Variants in DPH6 observed in about 807,000 individuals in gnomAD.
DPH6 encodes the protein diphthine--ammonia ligase.
A neutral mutation model predicts 38.2 loss-of-function variants in DPH6; 33 were observed. That is an observed-to-expected ratio of 0.86 (90% CI 0.65 to 1.15). DPH6 has a LOEUF of 1.15. Ranked by LOEUF, DPH6 falls within the 50% of genes most tolerant of loss-of-function variation. DPH6 has a pLI of 0.00. For missense variants in DPH6, 325 were observed against 320.0 expected (o/e 1.02, Z -0.12); for synonymous variants, 108 against 103.0 (o/e 1.05, Z -0.30).
At chr15:35,503,773 C>A (rs766029641) in intron 3 of DPH6, among the ~76,000 whole-genome samples, 21 of 152,060 alleles carry the variant, frequency 1.4e-4, no homozygotes, top group Non-Finnish European at 1.5e-4. Flanking sequence ...AATCTCACAG[C>A]AATTCTACGA....
In DPH6 at chr15:35,433,404, A is replaced by C. The variant is rs372549139; in HGVS notation, c.505+17281T>G. Reference sequence around the variant, plus strand: ...AGTGGCATTCTCTTAGCAGAAAGCCAAGACTCCAGGCCTTAAAATTCCCTT... The same window carrying C: ...AGTGGCATTCTCTTAGCAGAAAGCCCAGACTCCAGGCCTTAAAATTCCCTT... On this transcript the variant is annotated intron_variant, in intron 5 of 8. Transcript: ENST00000256538. Among the ~76,000 whole-genome samples, 5 of 152,362 alleles carry C rather than the reference A, an allele frequency of 3.3e-5. No homozygotes were observed. The East Asian group carries it at 9.6e-4, about 29-fold the overall frequency.
At chr15:35,380,543 G>C (rs2052850627) in intron 7 of DPH6, among the ~76,000 whole-genome samples, 1 of 151,940 alleles carries the variant, frequency 6.6e-6, no homozygotes, top group South Asian at 2.1e-4. Context: ...ACTTATTGCT[G>C]TGCTTTTTTT....
chr15:35,438,022 C>T (rs1265779212), intron 5 of DPH6, among the ~76,000 whole-genome samples: 1 of 152,180 alleles, frequency 6.6e-6, no homozygotes, highest in African/African-American at 2.4e-5. Context: ...AGCCAAAATA[C>T]TGGCCACTTG....
the DPH6 span, among the ~76,000 whole-genome samples, chr15:35,210,112 C>T: frequency 1.8e-4 from 28 of 152,052 alleles, no homozygotes; most frequent in Admixed American, 6.6e-5. Context: ...TATTCCACCA[C>T]GAACAAATTT....
chr15:35,214,734 A>C (rs1237093767), downstream of DPH6, among the ~76,000 whole-genome samples: 1 of 152,112 alleles, frequency 6.6e-6, no homozygotes, highest in East Asian at 1.9e-4. Flanking sequence ...CAGACTACCG[A>C]GTAGCTGGGA....
intron 3 of DPH6, among the ~76,000 whole-genome samples, chr15:35,536,761 G>T (rs148130770): frequency 3.3e-5 from 5 of 152,046 alleles, no homozygotes; most frequent in African/African-American, 1.2e-4. Context: ...CCATGAGAAA[G>T]AAATTTTGAA....
chr15:35,277,658 T>C (rs2051868164), intron 3 of DPH6, among the ~76,000 whole-genome samples: 1 of 152,152 alleles, frequency 6.6e-6, no homozygotes, highest in Non-Finnish European at 1.5e-5. Context: ...GACCAGAATG[T>C]TGATAGAGAC....
chr15:35,185,435 C>T, the DPH6 span, among the ~76,000 whole-genome samples: 29 of 152,244 alleles, frequency 1.9e-4, no homozygotes, highest in East Asian at 5.6e-3. Flanking sequence ...CTTTAGATTA[C>T]TATTGAAGCA....
At chr15:35,361,105 G>A (rs538933306) in intron 3 of DPH6, among the ~76,000 whole-genome samples, 16 of 152,126 alleles carry the variant, frequency 1.1e-4, no homozygotes, top group African/African-American at 1.4e-4. Context: ...AAGCGTGTCC[G>A]GAACTGAGAC....
chr15:35,504,568 C>T (rs2054669458), intron 3 of DPH6, among the ~76,000 whole-genome samples: 3 of 151,370 alleles, frequency 2.0e-5, no homozygotes. Context: ...TCTAATAAAT[C>T]TGGGTCATTC....
At chr15:35,187,936 A>C in the DPH6 span, among the ~76,000 whole-genome samples, 1 of 152,248 alleles carries the variant, frequency 6.6e-6, no homozygotes, top group Non-Finnish European at 1.5e-5. Context: ...TGAGTCCAGG[A>C]GTTCAAGACC....
At chr15:35,415,268 C>T (rs1046866878) in intron 5 of DPH6, among the ~76,000 whole-genome samples, 20 of 151,388 alleles carry the variant, frequency 1.3e-4, no homozygotes, top group African/African-American at 4.6e-4. Context: ...GTGTGTGTAA[C>T]AACACATACA....
intron 3 of DPH6, among the ~76,000 whole-genome samples, chr15:35,495,453 G>A (rs1350873913): frequency 6.6e-6 from 1 of 152,170 alleles, no homozygotes; most frequent in African/African-American, 2.4e-5. Flanking sequence ...CACTCAGTTT[G>A]TGGTACTTTG....
chr15:35,279,093 A>G (rs2051880278), intron 3 of DPH6, among the ~76,000 whole-genome samples: 1 of 141,658 alleles, frequency 7.1e-6, no homozygotes, highest in African/African-American at 2.7e-5. Flanking sequence ...ATAATTTTGG[A>G]GCTTTAAGAT....
At chr15:35,299,634 C>A (rs931168336) in intron 3 of DPH6, among the ~76,000 whole-genome samples, 1 of 152,166 alleles carries the variant, frequency 6.6e-6, no homozygotes, top group Non-Finnish European at 1.5e-5. Context: ...TTCTTTCTCA[C>A]TCACTATGTT....
chr15:35,370,786 T>C (rs1191126502), downstream of DPH6: 1 of 151,694 alleles, frequency 6.6e-6, no homozygotes, highest in Non-Finnish European at 1.5e-5. Context: ...CAGTTTTTTT[T>C]ACAAAGCTAA....
chr15:35,296,100 C>T (rs113818360), intron 3 of DPH6, among the ~76,000 whole-genome samples: 2 of 151,768 alleles, frequency 1.3e-5, no homozygotes, highest in African/African-American at 2.4e-5. Flanking sequence ...CTACCATGTC[C>T]GGCTAATTTT....
intron 3 of DPH6, among the ~76,000 whole-genome samples, chr15:35,303,858 T>C (rs2052070730): frequency 1.3e-5 from 2 of 151,304 alleles, no homozygotes; most frequent in Admixed American, 1.3e-4. Context: ...TTGCAAAAGC[T>C]AATCATTTTT....
At chr15:35,281,558 T>G (rs939123666) in intron 3 of DPH6, among the ~76,000 whole-genome samples, 1 of 152,226 alleles carries the variant, frequency 6.6e-6, no homozygotes, top group African/African-American at 2.4e-5. Context: ...CATTTTCTTT[T>G]TTATAGCTTT....
Sources: gnomAD v4.1 joint callset for allele counts (sites outside exome capture counted in the v4.1 genomes callset) on GRCh38, gnomAD v4.1.1 for gene constraint, MANE v1.5 for transcripts, NCBI Gene and HGNC (gene_info 2026-07-23, HGNC 2026-07-21) for gene names.